Variants in RBM20 observed in about 807,000 individuals in gnomAD.
RBM20 encodes the protein RNA-binding protein 20.
RBM20 carries 51 observed loss-of-function variants against 110.1 expected under a neutral mutation model. The ratio of observed to expected loss-of-function variants is 0.46; its 90% CI spans 0.37 to 0.59. RBM20 has a LOEUF of 0.59. Ranked by LOEUF, RBM20 falls within the 20% of genes least tolerant of loss-of-function variation. The probability of loss-of-function intolerance (pLI) is 0.00; values close to 1 mark genes in which losing one functional copy is unlikely to be tolerated. For synonymous variants in RBM20, 589 were observed against 618.2 expected (o/e 0.95, Z 0.70); for missense variants, 1,512 against 1,574.9 (o/e 0.96, Z 0.68).
At chr10:110,659,711 C>T (rs907244670) in intron 1 of RBM20, among the ~76,000 whole-genome samples, 1 of 151,754 alleles carries the variant, frequency 6.6e-6, no homozygotes, top group African/African-American at 2.4e-5. Flanking sequence ...AATTTCTGTT[C>T]TTTTTTTTCT....
chr10:110,645,539 G>T (rs372560681), intron 1 of RBM20, among the ~76,000 whole-genome samples: 2 of 152,288 alleles, frequency 1.3e-5, no homozygotes, highest in African/African-American at 2.4e-5. Context: ...ATAAATACAC[G>T]CAAGTACAGC....
chr10:110,803,037 T>A (rs1327679723), intron 7 of RBM20, among the ~76,000 whole-genome samples: 1 of 152,188 alleles, frequency 6.6e-6, no homozygotes, highest in East Asian at 1.9e-4. Context: ...CTGTGAAGTG[T>A]GTAGGGTGTA....
intron 1 of RBM20, among the ~76,000 whole-genome samples, chr10:110,738,021 C>T (rs962999541): frequency 2.4e-4 from 37 of 152,146 alleles, no homozygotes; most frequent in African/African-American, 8.7e-4. Context: ...CATCTATATG[C>T]CAGGCACTAT....
chr10:110,828,677 C>A (rs1280851395), intron 12 of RBM20, among the ~76,000 whole-genome samples: 1 of 86,736 alleles, frequency 1.2e-5, no homozygotes, highest in African/African-American at 3.1e-5. Context: ...ACTATTATTC[C>A]TATTTCACAG....
At chr10:110,776,465 G>C (rs1307038961) in intron 1 of RBM20, among the ~76,000 whole-genome samples, 1 of 152,200 alleles carries the variant, frequency 6.6e-6, no homozygotes, top group Admixed American at 6.5e-5. Flanking sequence ...GGCTCTAAGG[G>C]ACAATCTGTT....
intron 1 of RBM20, among the ~76,000 whole-genome samples, chr10:110,703,165 T>C (rs1862784704): frequency 1.3e-5 from 2 of 151,402 alleles, no homozygotes; most frequent in Non-Finnish European, 2.9e-5. Context: ...TCACCTGAGG[T>C]CAGGAGTTCG....
At position 110,783,381 on chromosome 10, in the gene RBM20, G is replaced by A; in HGVS notation, c.1291G>A (p.Val431Met). Residue 431 changes from valine (V) to methionine (M), a missense_variant, in exon 3 of 14, where the codon GTG becomes ATG. Val to Met is a conservative substitution (Grantham distance 21). This residue lies in a region of RBM20 where 1,149 missense variants were observed against 1,169.4 expected (regional missense o/e 0.98). Transcript: ENST00000369519. ...VFDLKDWELH[V>M]KGKLHAQKCL... ...TCTGACCTAGGACTGGGAGCTGCAT[G>A]TGAAAGGGAAGCTGCACGCTCAGAA... The A allele has an allele frequency of 6.4e-7, 1 of 1,551,522 alleles. No individual in the cohort carries two copies. Among genetic ancestry groups the A allele is most frequent in the Non-Finnish European group, 8.7e-7 (1 of 1,146,796 alleles).
intron 1 of RBM20, among the ~76,000 whole-genome samples, chr10:110,721,423 T>G (rs991088180): frequency 6.6e-6 from 1 of 152,172 alleles, no homozygotes; most frequent in African/African-American, 2.4e-5. Flanking sequence ...GAGTGGGCAG[T>G]GTGAACATTT....
chr10:110,680,738 A>C (rs1862411167), intron 1 of RBM20, among the ~76,000 whole-genome samples: 1 of 151,788 alleles, frequency 6.6e-6, no homozygotes, highest in Non-Finnish European at 1.5e-5. Context: ...CTTCTCCTTC[A>C]CCCCAGCTTT....
At chr10:110,806,513 AG>A (rs1844697551) in intron 7 of RBM20, among the ~76,000 whole-genome samples, 1 of 152,210 alleles carries the variant, frequency 6.6e-6, no homozygotes, top group Non-Finnish European at 1.5e-5. Context: ...TCACGAGAGT[AG>A]TACTGGGGGA....
At chr10:110,729,066 G>T (rs994141062) in intron 1 of RBM20, among the ~76,000 whole-genome samples, 1 of 152,134 alleles carries the variant, frequency 6.6e-6, no homozygotes, top group Non-Finnish European at 1.5e-5. Context: ...ACAGAATATT[G>T]GTTACTGTTG....
chr10:110,765,605 C>T (rs1844069495), intron 1 of RBM20, among the ~76,000 whole-genome samples: 2 of 152,148 alleles, frequency 1.3e-5, no homozygotes, highest in African/African-American at 4.8e-5. Flanking sequence ...TGTTAGCAGA[C>T]TCAAGCACAA....
rs547735840 is a variant in RBM20, at chr10:110,733,415, T to C, written c.192-47386T>C. The stretch of plus-strand genomic sequence containing the variant: ...GGTGTATGGCTGGGAGGATTGACGA[T>C]GTGGCTTCCAAATACCTACCCAAAC... On this transcript the variant is annotated intron_variant, in intron 1 of 13. Coordinates refer to ENST00000369519, the MANE Select transcript of RBM20 (RefSeq NM_001134363.3). Among the ~76,000 whole-genome samples, 3 of 152,346 alleles carry C rather than the reference T, an allele frequency of 2.0e-5. No individual in the cohort carries two copies. In the South Asian group the frequency reaches 6.2e-4, roughly 32 times the overall value.
chr10:110,651,698 C>T (rs1014424908), intron 1 of RBM20, among the ~76,000 whole-genome samples: 23 of 152,324 alleles, frequency 1.5e-4, no homozygotes, highest in Admixed American at 7.2e-4. Context: ...TGAACCGTGA[C>T]GCACAGTCAG....
In RBM20 at chr10:110,823,893, A is replaced by AT. The variant is rs1338701346; in HGVS notation, c.3451+293dup. 0.024 allele frequency among the ~76,000 whole-genome samples: 3,377 copies of AT among 138,692 alleles called. 99 individuals are homozygous for AT. Among genetic ancestry groups the AT allele is most frequent in the African/African-American group, 0.075 (2,841 of 37,954 alleles). 91.0% of individuals were successfully genotyped at this position (138,692 alleles called of 152,430 possible). On this transcript the variant is annotated intron_variant, in intron 12 of 13. Coordinates refer to ENST00000369519, the MANE Select transcript of RBM20 (RefSeq NM_001134363.3). ...CCACCAGGCCCGGCTAATTTTTTTA[A>AT]TTTTTTTTTTTTTTGCAGAGATGGG...
At chr10:110,761,278 T>C (rs1039455278) in intron 1 of RBM20, 3 of 152,172 alleles carry the variant, frequency 2.0e-5, no homozygotes, top group Non-Finnish European at 4.4e-5. Flanking sequence ...AAATTACCTA[T>C]GATTCTACCA....
rs367560007 is a variant in RBM20, at chr10:110,782,324, T to C, written c.1275+440T>C. 4.4e-4 allele frequency among the ~76,000 whole-genome samples: 67 copies of C among 152,262 alleles called. 1 individual carries two copies. The South Asian group carries it at 0.011, about 26-fold the overall frequency. On this transcript the variant is annotated intron_variant, in intron 2 of 13. Coordinates refer to ENST00000369519, the MANE Select transcript of RBM20 (RefSeq NM_001134363.3). ...TCAGGGGAAACAGATTAATTCCCCC[T>C]TGGGACCTAGACAAATTATTATAGA...
At chr10:110,703,364 G>A (rs1306581052) in intron 1 of RBM20, among the ~76,000 whole-genome samples, 1 of 150,406 alleles carries the variant, frequency 6.6e-6, no homozygotes, top group African/African-American at 2.4e-5. Flanking sequence ...GACAACAACG[G>A]TGAAACTCTG....
At chr10:110,661,558 G>A (rs67416863) in intron 1 of RBM20, among the ~76,000 whole-genome samples, 3 of 152,016 alleles carry the variant, frequency 2.0e-5, no homozygotes, top group East Asian at 3.9e-4. Context: ...CTCTGGGTAC[G>A]GATACAGAGA....
Sources: gnomAD v4.1 joint callset for allele counts (sites outside exome capture counted in the v4.1 genomes callset) on GRCh38, gnomAD v4.1.1 for gene constraint, gnomAD v4.1.1 regional missense constraint, MANE v1.5 for transcripts, NCBI Gene and HGNC (gene_info 2026-07-23, HGNC 2026-07-21) for gene names.